ROBO2: variants seen among roughly 807,000 people sequenced by gnomAD.
The protein encoded by ROBO2 is roundabout homolog 2.
Under a neutral mutation model 160.8 loss-of-function variants are expected in ROBO2, and 53 were observed. That is an observed-to-expected ratio of 0.33 (90% confidence interval 0.26 to 0.41). The LOEUF (loss-of-function observed/expected upper bound fraction) is 0.41, where lower values mean the gene tolerates loss of function less well. Ranked by LOEUF, ROBO2 falls within the 10% of genes least tolerant of loss-of-function variation. The pLI is 1.00. For synonymous variants in ROBO2, 664 were observed against 611.7 expected (o/e 1.09, Z -1.26); for missense variants, 1,577 against 1,722.4 (o/e 0.92, Z 1.49).
intron 2 of ROBO2, among the ~76,000 whole-genome samples, chr3:76,671,089 A>G (rs570456037): frequency 6.6e-6 from 1 of 152,290 alleles, no homozygotes; most frequent in East Asian, 1.9e-4. Flanking sequence ...ACAAAATGCC[A>G]TAAGGCATTA....
At chr3:77,483,723 TATG>T (rs778369693) in intron 4 of ROBO2, among the ~76,000 whole-genome samples, 1 of 147,974 alleles carries the variant, frequency 6.8e-6, no homozygotes, top group Non-Finnish European at 1.5e-5. Context: ...TTATTATAAA[TATG>T]ATGTAAATAT....
At chr3:77,416,371 G>A (rs147057439) in intron 2 of ROBO2, among the ~76,000 whole-genome samples, 4 of 152,272 alleles carry the variant, frequency 2.6e-5, no homozygotes, top group Non-Finnish European at 4.4e-5. Context: ...GCTTTAAGCT[G>A]TCTTTGGCTT....
At chr3:76,603,165 A>G (rs2087295492) in intron 2 of ROBO2, among the ~76,000 whole-genome samples, 1 of 150,790 alleles carries the variant, frequency 6.6e-6, no homozygotes, top group African/African-American at 2.4e-5. Flanking sequence ...CCCCGTCTCT[A>G]CTAAAAATAC....
At chr3:76,555,815 T>A (rs1438257132) in intron 2 of ROBO2, among the ~76,000 whole-genome samples, 2 of 152,146 alleles carry the variant, frequency 1.3e-5, no homozygotes, top group Non-Finnish European at 2.9e-5. Flanking sequence ...GCATTGTGTC[T>A]CATGCCTATA....
intron 2 of ROBO2, among the ~76,000 whole-genome samples, chr3:76,922,499 A>G (rs2076731837): frequency 6.6e-6 from 1 of 152,178 alleles, no homozygotes. Context: ...ATTCAACGGA[A>G]AGAGCTTCCC....
At chr3:76,450,816 A>G (rs1410550970) in intron 2 of ROBO2, among the ~76,000 whole-genome samples, 1 of 152,206 alleles carries the variant, frequency 6.6e-6, no homozygotes, top group Non-Finnish European at 1.5e-5. Context: ...TGCTTTAAAA[A>G]TATTTTAAGA....
chr3:77,255,651 G>A (rs1221616076), intron 2 of ROBO2, among the ~76,000 whole-genome samples: 5 of 152,168 alleles, frequency 3.3e-5, no homozygotes, highest in Admixed American at 2.6e-4. Flanking sequence ...TGGAGAGCAG[G>A]GCTATTATAC....
At chr3:76,314,835 T>G (rs2107812341) in intron 2 of ROBO2, among the ~76,000 whole-genome samples, 1 of 152,190 alleles carries the variant, frequency 6.6e-6, no homozygotes, top group South Asian at 2.1e-4. Context: ...TTTGGGGAAG[T>G]CAAAAGTTAT....
At chr3:77,430,449 A>T (rs960072046) in intron 2 of ROBO2, among the ~76,000 whole-genome samples, 3 of 152,052 alleles carry the variant, frequency 2.0e-5, no homozygotes, top group Non-Finnish European at 4.4e-5. Context: ...TGTACATATT[A>T]ATGTATTAAA....
chr3:77,493,217 T>G (rs1339395299), intron 4 of ROBO2, 27 bp from the exon 5 acceptor site: 1 of 1,611,956 alleles, frequency 6.2e-7, no homozygotes, highest in Non-Finnish European at 8.5e-7. Context: ...TATCTCATTT[T>G]ACCATTGTTT....
intron 2 of ROBO2, among the ~76,000 whole-genome samples, chr3:77,027,054 T>C (rs184023108): frequency 6.6e-6 from 1 of 152,284 alleles, no homozygotes; most frequent in Admixed American, 6.5e-5. Context: ...GATAAAAAAC[T>C]AAATTACATC....
At chr3:76,667,623 G>A (rs1023797400) in intron 2 of ROBO2, among the ~76,000 whole-genome samples, 2 of 152,128 alleles carry the variant, frequency 1.3e-5, no homozygotes, top group African/African-American at 4.8e-5. Flanking sequence ...AATGATTTGT[G>A]TATTTTAGAG....
intron 2 of ROBO2, among the ~76,000 whole-genome samples, chr3:76,279,717 T>C (rs939341806): frequency 6.7e-6 from 1 of 148,840 alleles, no homozygotes; most frequent in South Asian, 2.2e-4. Flanking sequence ...GGGGAAACAA[T>C]TATCATTGCA....
At chr3:76,064,461 C>T (rs978989244) in intron 2 of ROBO2, among the ~76,000 whole-genome samples, 1 of 152,074 alleles carries the variant, frequency 6.6e-6, no homozygotes, top group Non-Finnish European at 1.5e-5. Flanking sequence ...GGCCAAGCTA[C>T]TAGGTAGTTC....
intron 2 of ROBO2, among the ~76,000 whole-genome samples, chr3:76,102,174 C>T (rs543789962): frequency 6.6e-6 from 1 of 152,198 alleles, no homozygotes; most frequent in Non-Finnish European, 1.5e-5. Context: ...GGCTACTAAG[C>T]CCTTGAGATG....
rs191263132 is a variant in ROBO2 at position 77,462,644 on chromosome 3, A to G, written c.389-14770A>G. Among the ~76,000 whole-genome samples, 387 of 152,318 alleles carry G rather than the reference A, an allele frequency of 2.5e-3. 2 individuals carry two copies. Among genetic ancestry groups the G allele is most frequent in the African/African-American group, 8.8e-3 (365 of 41,578 alleles). On this transcript the variant is annotated intron_variant, in intron 2 of 25. Coordinates refer to ENST00000461745, the Ensembl canonical transcript of ROBO2. ...CCGTCAATATACTTTTTCTTTATACATTGAATTTATACATTGGTAAACATA... is the reference window on the plus strand; with the variant it reads ...CCGTCAATATACTTTTTCTTTATACGTTGAATTTATACATTGGTAAACATA...
At chr3:77,408,107 AT>A (rs1358625751) in intron 2 of ROBO2, among the ~76,000 whole-genome samples, 2 of 152,112 alleles carry the variant, frequency 1.3e-5, no homozygotes, top group Admixed American at 6.5e-5. Context: ...AAAAAAAAAA[AT>A]AAACAAACAA....
At chr3:76,444,350 A>G (rs1400324766) in intron 2 of ROBO2, among the ~76,000 whole-genome samples, 1 of 152,288 alleles carries the variant, frequency 6.6e-6, no homozygotes, top group African/African-American at 2.4e-5. Flanking sequence ...AGTAATCACA[A>G]GATGTAAAGT....
intron 1 of ROBO2, among the ~76,000 whole-genome samples, chr3:77,080,366 T>A (rs958116856): frequency 6.6e-6 from 1 of 152,164 alleles, no homozygotes; most frequent in Non-Finnish European, 1.5e-5. Context: ...TAGAAGGTAG[T>A]AGATTGGAAT....
Sources: allele counts gnomAD v4.1 joint callset (sites outside exome capture counted in the v4.1 genomes callset), GRCh38; gene constraint gnomAD v4.1.1; transcripts MANE v1.5; gene names NCBI Gene and HGNC (gene_info 2026-07-23, HGNC 2026-07-21).